FGGY: variants seen among roughly 807,000 people sequenced by gnomAD.
FGGY encodes FGGY carbohydrate kinase domain-containing protein.
FGGY carries 72 observed loss-of-function variants against 71.3 expected under a neutral mutation model. That is an observed-to-expected ratio of 1.01 (90% confidence interval 0.84 to 1.23). The LOEUF (loss-of-function observed/expected upper bound fraction) is 1.23, where lower values mean the gene tolerates loss of function less well. FGGY is among the 50% of genes most tolerant of loss of function. The probability of loss-of-function intolerance (pLI) is 0.00; values close to 1 mark genes in which losing one functional copy is unlikely to be tolerated. For synonymous variants in FGGY, 251 were observed against 250.3 expected (o/e 1.00, Z -0.02); for missense variants, 668 against 682.3 (o/e 0.98, Z 0.23).
chr1:59,519,927 A>C (rs2094777076), intron 7 of FGGY, among the ~76,000 whole-genome samples: 1 of 152,140 alleles, frequency 6.6e-6, no homozygotes, highest in African/African-American at 2.4e-5. Context: ...GGGTGATTTG[A>C]CCCCTCAGGG....
intron 6 of FGGY, among the ~76,000 whole-genome samples, chr1:59,472,874 T>C (rs911603937): frequency 1.3e-5 from 2 of 152,142 alleles, no homozygotes; most frequent in Non-Finnish European, 2.9e-5. Flanking sequence ...ACCCAGTGTC[T>C]AGCTCAGGGT....
chr1:59,448,544 G>A (rs1369444785), intron 5 of FGGY, among the ~76,000 whole-genome samples: 1 of 152,188 alleles, frequency 6.6e-6, no homozygotes, highest in African/African-American at 2.4e-5. Context: ...ATACAGAGCA[G>A]TATCTAAAGA....
chr1:59,555,228 T>A (rs2095666675), intron 8 of FGGY, among the ~76,000 whole-genome samples: 1 of 152,214 alleles, frequency 6.6e-6, no homozygotes, highest in African/African-American at 2.4e-5. Context: ...CCCCCCAATG[T>A]AGATACAAAT....
At chr1:59,643,718 T>A (rs1299951120) in intron 11 of FGGY, among the ~76,000 whole-genome samples, 18 of 152,230 alleles carry the variant, frequency 1.2e-4, no homozygotes. Context: ...ACATAACATA[T>A]GTTTTAAATT....
intron 4 of FGGY, among the ~76,000 whole-genome samples, chr1:59,354,235 GC>G (rs2053852805): frequency 6.6e-6 from 1 of 152,030 alleles, no homozygotes; most frequent in Admixed American, 6.6e-5. Flanking sequence ...ACACCACCAT[GC>G]CCAGATAATT....
intron 6 of FGGY, among the ~76,000 whole-genome samples, chr1:59,487,332 C>T (rs1159964582): frequency 1.3e-5 from 2 of 152,112 alleles, no homozygotes; most frequent in African/African-American, 4.8e-5. Flanking sequence ...CTGCAAACTA[C>T]AGATCTTCAC....
At chr1:59,686,337 TAAAA>T (rs1237915766) in intron 14 of FGGY, among the ~76,000 whole-genome samples, 1 of 152,200 alleles carries the variant, frequency 6.6e-6, no homozygotes, top group Non-Finnish European at 1.5e-5. Context: ...AGAGAAGTGC[TAAAA>T]TGAAGCACCC....
intron 3 of FGGY, among the ~76,000 whole-genome samples, chr1:59,345,732 C>T (rs1222302742): frequency 6.6e-6 from 1 of 151,504 alleles, no homozygotes; most frequent in Non-Finnish European, 1.5e-5. Context: ...AAAAAAACAC[C>T]TACATAAACT....
intron 5 of FGGY, among the ~76,000 whole-genome samples, chr1:59,413,571 C>G (rs1441650178): frequency 6.6e-6 from 1 of 152,080 alleles, no homozygotes; most frequent in Non-Finnish European, 1.5e-5. Context: ...TCAGCAAGTT[C>G]TGCTCATAGA....
rs952113020 is a variant in FGGY, at chr1:59,447,735, C to T, written c.555-9226C>T. On this transcript the variant is annotated intron_variant, in intron 5 of 15. Transcript: ENST00000303721. ...CTCTCTTGTCTGCTGCCATATAAGACGTGCCTTTTACCTTCCACCATGATG... is the reference window on the plus strand; with the variant it reads ...CTCTCTTGTCTGCTGCCATATAAGATGTGCCTTTTACCTTCCACCATGATG... 5.9e-5 allele frequency among the ~76,000 whole-genome samples: 9 copies of T among 152,178 alleles called. No individual in the cohort carries two copies. The East Asian group carries it at 7.7e-4, about 13-fold the overall frequency.
chr1:59,552,415 C>T (rs930308456), intron 7 of FGGY, among the ~76,000 whole-genome samples: 3 of 152,178 alleles, frequency 2.0e-5, no homozygotes, highest in African/African-American at 7.2e-5. Flanking sequence ...TCTTACTTCC[C>T]CCTGTTGCTA....
intron 14 of FGGY, among the ~76,000 whole-genome samples, chr1:59,680,466 A>G (rs1490656494): frequency 6.9e-6 from 1 of 143,934 alleles, no homozygotes; most frequent in Non-Finnish European, 1.5e-5. Context: ...TTTTTTTTTT[A>G]AGAGTTTTTT....
intron 8 of FGGY, among the ~76,000 whole-genome samples, chr1:59,591,700 A>G (rs185707905): frequency 9.2e-5 from 14 of 152,206 alleles, no homozygotes; most frequent in African/African-American, 3.4e-4. Flanking sequence ...AGGATTCCCT[A>G]TTTAATAAAT....
chr1:59,524,679 C>G (rs552395208), intron 7 of FGGY, among the ~76,000 whole-genome samples: 4 of 152,056 alleles, frequency 2.6e-5, no homozygotes, highest in Non-Finnish European at 5.9e-5. Context: ...CTACCCACTT[C>G]GGGTCTCCTC....
chr1:59,329,047 A>G (rs569591322), intron 2 of FGGY, among the ~76,000 whole-genome samples: 15 of 152,232 alleles, frequency 9.9e-5, no homozygotes, highest in Non-Finnish European at 2.2e-4. Flanking sequence ...TATTGGAAAA[A>G]TGACACTGAT....
intron 5 of FGGY, among the ~76,000 whole-genome samples, chr1:59,443,001 TAGG>T (rs1483404521): frequency 6.6e-6 from 1 of 152,178 alleles, no homozygotes; most frequent in Non-Finnish European, 1.5e-5. Context: ...GAGAGCAGTT[TAGG>T]ATTTTTAGTA....
intron 6 of FGGY, among the ~76,000 whole-genome samples, chr1:59,499,359 A>G (rs920458259): frequency 2.1e-5 from 3 of 142,048 alleles, no homozygotes; most frequent in Non-Finnish European, 3.0e-5. Context: ...ACAGGGAGGT[A>G]GTGCCTACAG....
intron 4 of FGGY, among the ~76,000 whole-genome samples, chr1:59,355,729 A>G (rs565729549): frequency 6.6e-6 from 1 of 152,076 alleles, no homozygotes; most frequent in African/African-American, 2.4e-5. Flanking sequence ...CCAAAGCTAC[A>G]CAATAGTAGG....
At chr1:59,622,758 T>C (rs72666262) in intron 9 of FGGY, among the ~76,000 whole-genome samples, 1 of 152,260 alleles carries the variant, frequency 6.6e-6, no homozygotes, top group Non-Finnish European at 1.5e-5. Flanking sequence ...TCTATCTGAG[T>C]ATTAGTTATC....
Sources: gnomAD v4.1 joint callset for allele counts (sites outside exome capture counted in the v4.1 genomes callset) on GRCh38, gnomAD v4.1.1 for gene constraint, MANE v1.5 for transcripts, NCBI Gene and HGNC (gene_info 2026-07-23, HGNC 2026-07-21) for gene names.